RIMBP2: variants seen among roughly 807,000 people sequenced by gnomAD.
RIMBP2 encodes the protein RIMS binding protein 2, also known as RIMS-binding protein 2.
In RIMBP2, 48 loss-of-function variants were observed where a neutral mutation model predicts 118.6. That is an observed-to-expected ratio of 0.40 (90% CI 0.32 to 0.51). The LOEUF (loss-of-function observed/expected upper bound fraction) is 0.51. Ranked by LOEUF, RIMBP2 falls within the 20% of genes least tolerant of loss-of-function variation. The pLI is 0.41. For synonymous variants in RIMBP2, 762 were observed against 742.9 expected, an observed-to-expected ratio of 1.03 and a Z score of -0.42; for missense variants, 1,551 against 1,768.3, an observed-to-expected ratio of 0.88 and a Z score of 2.20.
chr12:130,678,877 G>A (rs1039356303), intron 1 of RIMBP2, among the ~76,000 whole-genome samples: 3 of 152,136 alleles, frequency 2.0e-5, no homozygotes, highest in African/African-American at 4.8e-5. Context: ...GAGGCAGAAC[G>A]TAGACCCATA....
chr12:130,438,334 A>ATCCCCC, intron 12 of RIMBP2, 31 bp downstream of exon 12: 11 of 1,344,512 alleles, frequency 8.2e-6, no homozygotes, highest in Non-Finnish European at 1.2e-5. Context: ...GGGCCTAACA[A>ATCCCCC]ACCCTCCCCA....
intron 4 of RIMBP2, among the ~76,000 whole-genome samples, chr12:130,499,850 C>CT (rs2049569623): frequency 6.6e-6 from 1 of 152,220 alleles, no homozygotes; most frequent in African/African-American, 2.4e-5. Context: ...ATTTAGATCA[C>CT]TTTTTCCAGA....
At chr12:130,646,121 A>G (rs1323855206) in intron 1 of RIMBP2, among the ~76,000 whole-genome samples, 10 of 107,106 alleles carry the variant, frequency 9.3e-5, no homozygotes, top group East Asian at 8.4e-4. Flanking sequence ...CTCCCTCACC[A>G]CCTGCCTCTC....
intron 4 of RIMBP2, among the ~76,000 whole-genome samples, chr12:130,487,081 T>C (rs2082555333): frequency 6.6e-6 from 1 of 152,240 alleles, no homozygotes; most frequent in African/African-American, 2.4e-5. Flanking sequence ...CTCTCACCTC[T>C]GCCCCTTCCT....
intron 1 of RIMBP2, among the ~76,000 whole-genome samples, chr12:130,712,193 A>G (rs1949968496): frequency 1.3e-5 from 2 of 152,204 alleles, no homozygotes; most frequent in South Asian, 2.1e-4. Context: ...GCACGTTTAG[A>G]CTACGCTAAA....
chr12:130,442,260 C>T lies in RIMBP2; in HGVS notation c.1092G>A (p.Gly364=), dbSNP rs1593313490. The change falls in exon 11 of 23, where the codon GGG becomes GGA. Residue 364 remains glycine (G), a synonymous_variant. Coordinates refer to ENST00000690449, the MANE Select transcript of RIMBP2 (RefSeq NM_001393629.1). This position sits in a 1 kb window ranked among gnomAD's most constrained non-coding sequence, Gnocchi z 6.9. The stretch of plus-strand genomic sequence containing the variant: ...TCTCGATGAGGGCTTTAGTTCTGCT[C>T]CCCAGCGTGAGGTTCATGCGTGTCT... ...DKETRMNLTL[G]SRTKALIEKL... 4 of 1,614,200 alleles carry T rather than the reference C, an allele frequency of 2.5e-6. No homozygotes were observed.
At chr12:130,601,869 T>C (rs2059900014) in intron 2 of RIMBP2, among the ~76,000 whole-genome samples, 1 of 152,226 alleles carries the variant, frequency 6.6e-6, no homozygotes, top group South Asian at 2.1e-4. Context: ...AGGTGTGACA[T>C]AATCCCTGTA....
At chr12:130,645,565 T>A (rs1413770863) in intron 1 of RIMBP2, among the ~76,000 whole-genome samples, 1 of 152,174 alleles carries the variant, frequency 6.6e-6, no homozygotes, top group East Asian at 1.9e-4. Flanking sequence ...ACTTTAGGAT[T>A]GGAGAAAGTC....
intron 4 of RIMBP2, among the ~76,000 whole-genome samples, chr12:130,503,822 G>A (rs1035477548): frequency 6.6e-6 from 1 of 152,192 alleles, no homozygotes; most frequent in African/African-American, 2.4e-5. Flanking sequence ...TTCAGCCTCT[G>A]AGGTGGTATA....
chr12:130,430,979 G>A (rs766304379), intron 14 of RIMBP2, among the ~76,000 whole-genome samples: 3 of 152,014 alleles, frequency 2.0e-5, no homozygotes, highest in Non-Finnish European at 2.9e-5. Context: ...TCATCAAGAC[G>A]TACACCCGGA....
chr12:130,600,935 A>C (rs1257386425), intron 2 of RIMBP2, among the ~76,000 whole-genome samples: 3 of 152,140 alleles, frequency 2.0e-5, no homozygotes, highest in Admixed American at 6.5e-5. Context: ...CCCTGTATGC[A>C]TCACTACTTA....
At chr12:130,478,536 T>C (rs2081641237) in intron 5 of RIMBP2, among the ~76,000 whole-genome samples, 1 of 152,154 alleles carries the variant, frequency 6.6e-6, no homozygotes, top group Admixed American at 6.5e-5. Context: ...CAGGGCATCG[T>C]CCAGGATGGG....
chr12:130,456,356 TCATCCTTCC>T, intron 7 of RIMBP2, 131 bp downstream of exon 7: 1 of 691,896 alleles, frequency 1.4e-6, no homozygotes, highest in Non-Finnish European at 2.4e-6. Flanking sequence ...AGCCCTGTTC[TCATCCTTCC>T]CATTGCAGTG....
intron 2 of RIMBP2, among the ~76,000 whole-genome samples, chr12:130,547,443 A>C (rs1353479943): frequency 6.6e-6 from 1 of 152,208 alleles, no homozygotes; most frequent in Non-Finnish European, 1.5e-5. Flanking sequence ...TCACTATCGT[A>C]TTTTATAATC....
At chr12:130,504,095 T>C (rs1000995094) in intron 4 of RIMBP2, among the ~76,000 whole-genome samples, 2 of 152,228 alleles carry the variant, frequency 1.3e-5, no homozygotes, top group African/African-American at 4.8e-5. Context: ...ATGATTGTTT[T>C]AGGAAACATT....
chr12:130,522,983 T>A (rs891179717), intron 2 of RIMBP2, among the ~76,000 whole-genome samples: 6 of 152,260 alleles, frequency 3.9e-5, no homozygotes, highest in South Asian at 2.1e-4. Context: ...AGTCTCACTC[T>A]GCCTCGGTTT....
rs570687613 is a variant in RIMBP2 at position 130,493,428 on chromosome 12, C to T, written c.-4+13220G>A. Among the ~76,000 whole-genome samples the T allele has an allele frequency of 1.7e-3, 253 of 152,228 alleles. 2 individuals carry two copies. The highest frequency in any genetic ancestry group is 5.7e-3 in the African/African-American group (238 of 41,556). ...CTCCTGAGTTCAAGCAATTCTCATG[C>T]TTCAGCTTCCTGAGTAGCTGGGATT... On this transcript the variant is annotated intron_variant, in intron 4 of 22. Transcript: ENST00000690449.
intron 5 of RIMBP2, among the ~76,000 whole-genome samples, chr12:130,477,321 C>T (rs1479498195): frequency 6.6e-6 from 1 of 151,890 alleles, no homozygotes; most frequent in African/African-American, 2.4e-5. Flanking sequence ...ATCCTTTCCC[C>T]TTCCTGGACA....
chr12:130,436,724 GCC>G, intron 13 of RIMBP2, 116 bp downstream of exon 13: 1 of 799,574 alleles, frequency 1.3e-6, no homozygotes, highest in Non-Finnish European at 1.7e-6. Context: ...GCTGAGCGCG[GCC>G]CCCCTCCCTG....
Sources: allele counts gnomAD v4.1 joint callset (sites outside exome capture counted in the v4.1 genomes callset), GRCh38; gene constraint gnomAD v4.1.1; non-coding constraint Gnocchi (gnomAD v3.1); transcripts MANE v1.5; gene names NCBI Gene and HGNC (gene_info 2026-07-23, HGNC 2026-07-21).